Variants in RNF166 observed in about 807,000 individuals in gnomAD.
RNF166 encodes E3 ubiquitin-protein ligase RNF166.
A neutral mutation model predicts 29.4 loss-of-function variants in RNF166; 19 were observed. The observed-to-expected ratio is 0.65, with a 90% confidence interval of 0.45 to 0.95. The LOEUF (loss-of-function observed/expected upper bound fraction) is 0.95, where lower values mean the gene tolerates loss of function less well. Among genes scored for constraint, RNF166 ranks in the 40% least tolerant of loss-of-function variants. RNF166 has a pLI of 0.00. For synonymous variants in RNF166, 171 were observed against 134.5 expected (o/e 1.27, Z -1.88); for missense variants, 347 against 322.1 (o/e 1.08, Z -0.59).
intron 2 of RNF166, chr16:88,700,785 C>G: frequency 2.0e-6 from 2 of 1,014,328 alleles, no homozygotes; most frequent in Non-Finnish European, 2.4e-6. Context: ...GGCCCTTACG[C>G]TGCTCTGATG....
intron 5 of RNF166, 181 bp from the exon 6 acceptor site, chr16:88,697,814 G>A (rs956171946): frequency 6.9e-6 from 4 of 577,982 alleles, no homozygotes; most frequent in African/African-American, 5.7e-5. Flanking sequence ...GGGGTGAGAA[G>A]GTGAAGGTGT....
chr16:88,703,241 G>C, intron 1 of RNF166: 4 of 975,558 alleles, frequency 4.1e-6, no homozygotes, highest in Non-Finnish European at 4.9e-6. Flanking sequence ...GAATCTTCTA[G>C]AATTGCATCG....
intron 1 of RNF166, chr16:88,704,053 C>A (rs906123634): frequency 6.1e-6 from 6 of 985,330 alleles, no homozygotes; most frequent in Non-Finnish European, 7.2e-6. Flanking sequence ...GGGCCTCCTG[C>A]GCGAGGGCTA....
rs2142617563 is a variant in RNF166 at position 88,697,442 on chromosome 16, C to G, written c.*126G>C. On this transcript the variant is annotated 3_prime_UTR_variant, in exon 6 of 6. Transcript: ENST00000312838. ...CGGAGGCTCGGCCCCGGCTCCCCTT[C>G]TGCGCGGGTGCAGGCTCCTCCTGTG... 1.5e-6 allele frequency: 1 copy of G among 689,342 alleles called. No individual in the cohort carries two copies. Among genetic ancestry groups the G allele is most frequent in the African/African-American group, 1.8e-5 (1 of 55,088 alleles). 42.7% of individuals were successfully genotyped at this position (689,342 alleles called of 1,614,324 possible). A position where few individuals can be genotyped will look rare whatever the true frequency, so the allele number is the denominator to read the frequency against.
At chr16:88,704,474 A>C in intron 1 of RNF166, 2 of 985,392 alleles carry the variant, frequency 2.0e-6, no homozygotes, top group African/African-American at 3.5e-5. Flanking sequence ...TGTGTTATGG[A>C]AACTACATTT....
rs761654310 is a variant in RNF166, at chr16:88,697,253, G to C, written c.*315C>G. Reference sequence around the variant, plus strand: ...CGCGTCGGTCCCTTCTTCCCACGAGGGGGTATCATGGCTTTGAAGAGACGG... The same window carrying C: ...CGCGTCGGTCCCTTCTTCCCACGAGCGGGTATCATGGCTTTGAAGAGACGG... On this transcript the variant is annotated 3_prime_UTR_variant, in exon 6 of 6. Coordinates refer to ENST00000312838, the MANE Select transcript of RNF166 (RefSeq NM_178841.4). The C allele has an allele frequency of 4.0e-6, 1 of 249,244 alleles. No individual in the cohort carries two copies. The allele number at this position is 249,244 out of a possible 1,614,324, so 15.4% of individuals were successfully genotyped here. A position where few individuals can be genotyped will look rare whatever the true frequency, so the allele number is the denominator to read the frequency against.
At chr16:88,699,200 G>C in intron 3 of RNF166, 115 bp from the exon 4 acceptor site, 1 of 780,734 alleles carries the variant, frequency 1.3e-6, no homozygotes, top group South Asian at 1.5e-5. Context: ...CTGCAAGAGC[G>C]TGGCAGTGGC....
intron 2 of RNF166, 67 bp downstream of exon 2, chr16:88,701,195 A>C (rs1052324659): frequency 1.9e-6 from 3 of 1,587,840 alleles, no homozygotes; most frequent in African/African-American, 2.7e-5. Context: ...CACCCTCTGC[A>C]GAACCCGTGG....
chr16:88,704,196 G>A (rs1200222862), intron 1 of RNF166: 7 of 985,348 alleles, frequency 7.1e-6, no homozygotes, highest in Non-Finnish European at 8.4e-6. Flanking sequence ...AAGGGAACCT[G>A]AAGAGCCTTT....
chr16:88,704,618 C>T (rs555365936), intron 1 of RNF166: 121 of 932,096 alleles, frequency 1.3e-4, no homozygotes, highest in Non-Finnish European at 1.5e-4. Flanking sequence ...AAAACAAGGC[C>T]TAAGTCAAGC....
chr16:88,697,697 C>T (rs1181324574), intron 5 of RNF166, 64 bp from the exon 6 acceptor site: 1 of 1,227,016 alleles, frequency 8.1e-7, no homozygotes, highest in African/African-American at 1.5e-5. Flanking sequence ...TCCCCTCTGC[C>T]CATCACCCAC....
At chr16:88,702,105 C>G (rs115647411) in intron 1 of RNF166, among the ~76,000 whole-genome samples, 3 of 151,262 alleles carry the variant, frequency 2.0e-5, no homozygotes, top group Non-Finnish European at 4.4e-5. Context: ...CCCACAGCCC[C>G]GTGCGCACTC....
chr16:88,703,691 A>C, intron 1 of RNF166: 1 of 985,438 alleles, frequency 1.0e-6, no homozygotes, highest in Middle Eastern at 5.2e-4. Flanking sequence ...TTCTCAGCTG[A>C]AGGAAGTGGC....
In RNF166 at chr16:88,696,956, T is replaced by G; in HGVS notation, c.*612A>C. The G allele has an allele frequency of 5.0e-6, 1 of 199,384 alleles. No homozygotes were observed. The highest frequency in any genetic ancestry group is 1.7e-4 in the East Asian group (1 of 5,864). 12.4% of individuals were successfully genotyped at this position (199,384 alleles called of 1,614,324 possible). A position where few individuals can be genotyped will look rare whatever the true frequency, so the allele number is the denominator to read the frequency against. ...CCCCCAATGCTTGTTTTGATTGTTT[T>G]CTTAAAAAATATAATTTTGTAAATG... On this transcript the variant is annotated 3_prime_UTR_variant, in exon 6 of 6. Coordinates refer to ENST00000312838, the MANE Select transcript of RNF166 (RefSeq NM_178841.4).
In RNF166 at chr16:88,701,396, G is replaced by T. The variant is rs769560580; in HGVS notation, c.178C>A (p.Pro60Thr). The part of the protein sequence containing the change: ...GHTFCGECLQ[P>T]CLQVPSPLCP... ...AGCGGGGATGGCACCTGCAGGCAGG[G>T]CTGGAGACACTCCCCGCAGAACCTG... Residue 60 changes from proline to threonine, a missense_variant, in exon 2 of 6, where the codon CCC (proline) becomes ACC (threonine). By Grantham distance (38) the Pro-to-Thr change is conservative (BLOSUM62 -1). Coordinates refer to ENST00000312838, the MANE Select transcript of RNF166 (RefSeq NM_178841.4). The T allele has an allele frequency of 7.5e-6, 12 of 1,605,188 alleles. No individual in the cohort carries two copies. Among genetic ancestry groups the T allele is most frequent in the South Asian group, 2.2e-5 (2 of 90,562 alleles).
At position 88,698,523 on chromosome 16, in the gene RNF166, C is replaced by T. The variant is rs1031049118; in HGVS notation, c.627G>A (p.Lys209=). 7.6e-6 allele frequency: 12 copies of T among 1,572,382 alleles called. No individual in the cohort carries two copies. The highest frequency in any genetic ancestry group is 1.0e-5 in the Non-Finnish European group (12 of 1,158,626). Residue 209 remains lysine (K), a synonymous_variant, in exon 5 of 6, where the codon AAG becomes AAA. Coordinates refer to ENST00000312838, the MANE Select transcript of RNF166 (RefSeq NM_178841.4). ...NFLQHLLHRH[K]FSYDTFVDYS... is the part of the protein sequence containing the mutation. ...CTACCACAAAGGTGTCGTAGGAGAACTTGTGTCGGTGAAGCAGGTGCTGCA... is the reference window on the plus strand; with the variant it reads ...CTACCACAAAGGTGTCGTAGGAGAATTTGTGTCGGTGAAGCAGGTGCTGCA...
chr16:88,702,945 T>C (rs1169479629), intron 1 of RNF166: 5 of 985,360 alleles, frequency 5.1e-6, no homozygotes, highest in Non-Finnish European at 6.0e-6. Flanking sequence ...CAGGCACTCA[T>C]GGCAGGAGAA....
chr16:88,704,235 C>G (rs1910546124), intron 1 of RNF166: 1 of 985,294 alleles, frequency 1.0e-6, no homozygotes, highest in Non-Finnish European at 1.2e-6. Flanking sequence ...TGCATGCATG[C>G]CTTAGCAACA....
intron 1 of RNF166, among the ~76,000 whole-genome samples, chr16:88,705,844 C>G (rs1013607672): frequency 2.6e-5 from 4 of 152,240 alleles, no homozygotes; most frequent in Admixed American, 2.6e-4. Flanking sequence ...GCGGTGGCAC[C>G]TGCTGCCCTC....
Sources: gnomAD v4.1 joint callset for allele counts (sites outside exome capture counted in the v4.1 genomes callset) on GRCh38, gnomAD v4.1.1 for gene constraint, MANE v1.5 for transcripts, NCBI Gene and HGNC (gene_info 2026-07-23, HGNC 2026-07-21) for gene names.